ARHGAP20: variants seen among roughly 807,000 people sequenced by gnomAD.
ARHGAP20 encodes the protein rho GTPase-activating protein 20.
In ARHGAP20, 34 loss-of-function variants were observed where a neutral mutation model predicts 73.7. The observed-to-expected ratio is 0.46, with a 90% CI of 0.35 to 0.61. The LOEUF is 0.61. ARHGAP20 is among the 20% of genes least tolerant of loss of function. The pLI is 0.00. For missense variants in ARHGAP20, 1,314 were observed against 1,420.9 expected (o/e 0.92, Z 1.21); for synonymous variants, 523 against 518.2 (o/e 1.01, Z -0.13).
intron 9 of ARHGAP20, 132 bp from the exon 10 acceptor site, chr11:110,592,287 T>G: frequency 1.4e-6 from 1 of 735,640 alleles, no homozygotes; most frequent in Non-Finnish European, 2.1e-6. Context: ...CTTTTGTCAT[T>G]GACAATTCAA....
chr11:110,585,665 G>A (rs1307173493), intron 12 of ARHGAP20, among the ~76,000 whole-genome samples: 1 of 152,126 alleles, frequency 6.6e-6, no homozygotes, highest in Non-Finnish European at 1.5e-5. Context: ...CCCTTTGCAT[G>A]AGTAGAGACA....
chr11:110,649,180 T>C lies in ARHGAP20; in HGVS notation c.189-18388A>G, dbSNP rs1049263409. Among the ~76,000 whole-genome samples the C allele has an allele frequency of 3.3e-5, 5 of 151,866 alleles. No individual in the cohort carries two copies. In the East Asian group the frequency reaches 7.7e-4, roughly 24 times the overall value. On this transcript the variant is annotated intron_variant, in intron 2 of 14. Coordinates refer to ENST00000683387, the MANE Select transcript of ARHGAP20 (RefSeq NM_001384657.1). ...GAAACAATTTTTATACTTACTATTG[T>C]TTGTTTTCCAATTATTAAACCTTTT...
chr11:110,581,107 G>A lies in ARHGAP20; in HGVS notation c.1839C>T (p.Ser613=). Residue 613 remains serine (S), a synonymous_variant, in exon 15 of 15, where the codon AGC becomes AGT. Transcript: ENST00000683387. ...CACTGAGGGTTAAGACAGAGTCCAT[G>A]CTTCTGCTCCCCTGGCCAAGTTTCT... ...LVKKLGQGSR[S]MDSVLTLSDY... is the part of the protein sequence containing the mutation. The A allele has an allele frequency of 1.2e-6, 2 of 1,614,218 alleles. No homozygotes were observed. Among genetic ancestry groups the A allele is most frequent in the Non-Finnish European group, 1.7e-6 (2 of 1,180,042 alleles).
intron 2 of ARHGAP20, among the ~76,000 whole-genome samples, chr11:110,640,801 T>C (rs1459164199): frequency 6.6e-6 from 1 of 151,978 alleles, no homozygotes; most frequent in Admixed American, 6.6e-5. Context: ...ATACCTAATG[T>C]ATATGACGAG....
At chr11:110,711,855 G>A in intron 1 of ARHGAP20, 1 of 1,318,466 alleles carries the variant, frequency 7.6e-7, no homozygotes, top group African/African-American at 1.5e-5. Context: ...AGAACCGGCG[G>A]CGGATGGAGA....
intron 9 of ARHGAP20, among the ~76,000 whole-genome samples, chr11:110,604,993 A>G (rs1158052265): frequency 6.6e-6 from 1 of 152,220 alleles, no homozygotes; most frequent in African/African-American, 2.4e-5. Context: ...AAGGTTGGTC[A>G]TTAATGATAC....
In ARHGAP20 at chr11:110,577,486, G is replaced by A. The variant is rs56164031; in HGVS notation, c.*1884C>T. 3.1e-4 allele frequency: 316 copies of A among 1,011,142 alleles called. No homozygotes were observed. In the African/African-American group the frequency reaches 5.0e-3, roughly 16 times the overall value. 62.6% of individuals were successfully genotyped at this position (1,011,142 alleles called of 1,614,324 possible). A position where few individuals can be genotyped will look rare whatever the true frequency, so the allele number is the denominator to read the frequency against. ...CTGCTAACATGAAAAAAAAAAAAAAGGCAATTTCTTCCAGAAAGACACTCC... is the reference window on the plus strand; with the variant it reads ...CTGCTAACATGAAAAAAAAAAAAAAAGCAATTTCTTCCAGAAAGACACTCC... On this transcript the variant is annotated 3_prime_UTR_variant, in exon 15 of 15. Transcript: ENST00000683387.
intron 12 of ARHGAP20, among the ~76,000 whole-genome samples, chr11:110,585,016 AAC>A (rs1237732726): frequency 3.2e-5 from 3 of 94,366 alleles, no homozygotes; most frequent in African/African-American, 6.2e-5. Flanking sequence ...TATGTATGTG[AAC>A]ATATATGTGA....
chr11:110,636,413 C>G (rs1948969175), intron 2 of ARHGAP20, among the ~76,000 whole-genome samples: 1 of 151,964 alleles, frequency 6.6e-6, no homozygotes. Context: ...TTGGCCTAGG[C>G]CAAAGATTAA....
At chr11:110,660,998 C>T (rs1949598836) in intron 2 of ARHGAP20, among the ~76,000 whole-genome samples, 1 of 152,196 alleles carries the variant, frequency 6.6e-6, no homozygotes, top group African/African-American at 2.4e-5. Flanking sequence ...GCCACAGATT[C>T]TGATGCTCAG....
intron 2 of ARHGAP20, among the ~76,000 whole-genome samples, chr11:110,654,345 T>C (rs1181538045): frequency 6.6e-6 from 1 of 152,196 alleles, no homozygotes; most frequent in African/African-American, 2.4e-5. Flanking sequence ...AAAATCATCA[T>C]ATTAAAAGTC....
At chr11:110,693,798 T>A (rs1424893634) in intron 1 of ARHGAP20, among the ~76,000 whole-genome samples, 4 of 151,892 alleles carry the variant, frequency 2.6e-5, no homozygotes, top group Non-Finnish European at 5.9e-5. Flanking sequence ...TACAAACTTA[T>A]CAGGACAGGC....
At chr11:110,592,262 G>C (rs10891146) in intron 9 of ARHGAP20, 107 bp from the exon 10 acceptor site, 204,978 of 991,292 alleles carry the variant, frequency 0.21, 21,740 homozygotes, top group Admixed American at 0.35. Flanking sequence ...AAGAGAAAAA[G>C]ATGCTAATAG....
intron 1 of ARHGAP20, among the ~76,000 whole-genome samples, chr11:110,704,296 C>T (rs1375319737): frequency 6.6e-6 from 1 of 152,188 alleles, no homozygotes; most frequent in Non-Finnish European, 1.5e-5. Flanking sequence ...GGCCACAGAG[C>T]AGCTGCGTTT....
intron 1 of ARHGAP20, among the ~76,000 whole-genome samples, chr11:110,708,144 C>A (rs193000886): frequency 6.6e-6 from 1 of 151,932 alleles, no homozygotes; most frequent in Non-Finnish European, 1.5e-5. Context: ...AAAATAAGCA[C>A]GTGAAAAGAT....
In ARHGAP20 at chr11:110,712,117, G is replaced by C. The variant is rs1847598975; in HGVS notation, c.105+10C>G. On this transcript the variant is annotated intron_variant, in intron 1 of 14. Transcript: ENST00000683387. ...GGCGGAGGGCACGGGCCCCCGCTCA[G>C]CGTCCTCACCTTCTTGGTGCAGCTG... 2 of 1,329,178 alleles carry C rather than the reference G, an allele frequency of 1.5e-6. No homozygotes were observed. The highest frequency in any genetic ancestry group is 6.7e-5 in the Admixed American group (2 of 29,882). 82.3% of individuals were successfully genotyped at this position (1,329,178 alleles called of 1,614,324 possible).
intron 2 of ARHGAP20, among the ~76,000 whole-genome samples, chr11:110,648,275 A>G (rs899861101): frequency 6.9e-6 from 1 of 144,158 alleles, no homozygotes; most frequent in African/African-American, 2.6e-5. Flanking sequence ...GTAAATATAT[A>G]TATGCATATA....
At chr11:110,600,646 A>G (rs969521546) in intron 9 of ARHGAP20, among the ~76,000 whole-genome samples, 2 of 152,264 alleles carry the variant, frequency 1.3e-5, no homozygotes, top group Non-Finnish European at 2.9e-5. Context: ...ATCACTGTCC[A>G]CAGAGATTTC....
chr11:110,606,700 T>G lies in ARHGAP20; in HGVS notation c.825A>C (p.Ala275=), dbSNP rs770858306. Residue 275 remains alanine, a synonymous_variant, in exon 9 of 15, where the codon GCA becomes GCC. Transcript: ENST00000683387. ...GIKMSHLRDS[A]LLTPGSKDST... is the part of the protein sequence containing the mutation. ...AGTCCTTTGATCCCGGTGTCAGGAG[T>G]GCAGAGTCTCGAAGATGGCTCATTT... is the stretch of plus-strand genomic sequence containing the variant. 5 of 1,594,678 alleles carry G rather than the reference T, an allele frequency of 3.1e-6. No individual in the cohort carries two copies. Among genetic ancestry groups the G allele is most frequent in the South Asian group, 1.1e-5 (1 of 89,300 alleles).
Sources: gnomAD v4.1 joint callset for allele counts (sites outside exome capture counted in the v4.1 genomes callset) on GRCh38, gnomAD v4.1.1 for gene constraint, MANE v1.5 for transcripts, NCBI Gene and HGNC (gene_info 2026-07-23, HGNC 2026-07-21) for gene names.